SHANK1: variants seen among roughly 807,000 people sequenced by gnomAD.
The protein encoded by SHANK1 is SH3 and multiple ankyrin repeat domains protein 1.
SHANK1 carries 35 observed loss-of-function variants against 165.6 expected under a neutral mutation model. The observed-to-expected ratio is 0.21, with a 90% CI of 0.16 to 0.28. The LOEUF is 0.28. SHANK1 is among the 10% of genes least tolerant of loss of function. The pLI is 1.00. For synonymous variants in SHANK1, 1,428 were observed against 1,384.8 expected (o/e 1.03, Z -0.69); for missense variants, 2,681 against 3,036.4 (o/e 0.88, Z 2.75).
At chr19:50,663,091 A>C in intron 23 of SHANK1, 1 of 213,596 alleles carries the variant, frequency 4.7e-6, no homozygotes, top group Non-Finnish European at 9.4e-6. Flanking sequence ...AGGTTAAATA[A>C]CTTGCCTAAG....
At position 50,711,360 on chromosome 19, in the gene SHANK1, G is replaced by A; in HGVS notation, c.1077+11C>T. 6.5e-7 allele frequency: 1 copy of A among 1,548,730 alleles called. No individual in the cohort carries two copies. The highest frequency in any genetic ancestry group is 8.7e-7 in the Non-Finnish European group (1 of 1,144,068). On this transcript the variant is annotated intron_variant, in intron 8 of 23. Transcript: ENST00000293441. ...ATGTGAGGGGCCTGGGGTGGCCGCT[G>A]CTAGGCAGACCTTGTTGTAGAGGGC...
At chr19:50,691,654 G>GTA (rs1384133500) in intron 15 of SHANK1, among the ~76,000 whole-genome samples, 2 of 152,172 alleles carry the variant, frequency 1.3e-5, no homozygotes, top group Admixed American at 1.3e-4. Context: ...GCAGGGATAA[G>GTA]TACCAGTTCT....
intron 22 of SHANK1, 92 bp downstream of exon 22, chr19:50,671,926 G>T: frequency 2.1e-6 from 2 of 940,588 alleles, no homozygotes; most frequent in Non-Finnish European, 3.4e-6. Context: ...CTCTCTGGGA[G>T]CACAGAACAT....
At chr19:50,711,179 C>CGGA (rs1334567763) in intron 8 of SHANK1, 192 bp downstream of exon 8, 3 of 448,726 alleles carry the variant, frequency 6.7e-6, no homozygotes, top group East Asian at 3.9e-5. Context: ...CAGTAAATAT[C>CGGA]TGTTGGATGG....
chr19:50,719,473 C>T lies in SHANK1; in HGVS notation c.-111G>A, dbSNP rs2089110577. ...GCCCCTCCCCCCTCCCCCCACCCCC[C>T]ACCCCCCCGGAGACGGGGACCCTCA... On this transcript the variant is annotated 5_prime_UTR_variant, in exon 1 of 24. Coordinates refer to ENST00000293441, the MANE Select transcript of SHANK1 (RefSeq NM_016148.5). 1 of 8,974 alleles carries T rather than the reference C, an allele frequency of 1.1e-4. No individual in the cohort carries two copies. Among genetic ancestry groups the T allele is most frequent in the Non-Finnish European group, 2.4e-4 (1 of 4,186 alleles). 0.6% of individuals were successfully genotyped at this position (8,974 alleles called of 1,614,324 possible).
rs185008513 is a variant in SHANK1 at position 50,706,476 on chromosome 19, C to T, written c.1078-1962G>A. Among the ~76,000 whole-genome samples, 359 of 152,184 alleles carry T rather than the reference C, an allele frequency of 2.4e-3. 2 individuals are homozygous for T. Among genetic ancestry groups the T allele is most frequent in the Middle Eastern group, 6.8e-3 (2 of 294 alleles). On this transcript the variant is annotated intron_variant, in intron 8 of 23. Coordinates refer to ENST00000293441, the MANE Select transcript of SHANK1 (RefSeq NM_016148.5). ...GGGTTAGCTGAGCTAACCTGAGCTGCCTGCCCTGCCACTCCCCACCCTGAC... is the reference window on the plus strand; with the variant it reads ...GGGTTAGCTGAGCTAACCTGAGCTGTCTGCCCTGCCACTCCCCACCCTGAC...
chr19:50,703,773 C>A lies in SHANK1; in HGVS notation c.1280G>T (p.Gly427Val). 7.0e-7 allele frequency: 1 copy of A among 1,431,482 alleles called. No homozygotes were observed. Among genetic ancestry groups the A allele is most frequent in the East Asian group, 2.5e-5 (1 of 39,272 alleles). 88.7% of individuals were successfully genotyped at this position (1,431,482 alleles called of 1,614,324 possible). A position where few individuals can be genotyped will look rare whatever the true frequency, so the allele number is the denominator to read the frequency against. ...CAGCAGCGCCGGGGGCACCGTCAGC[C>A]CTGTGCCTGGGGGCCCCCGTCGCCG... is the stretch of plus-strand genomic sequence containing the variant. ...AARRRGPPGTGLTVPPALLRA... is the reference protein window; with the variant it reads ...AARRRGPPGTVLTVPPALLRA... Residue 427 changes from glycine to valine, a missense_variant, in exon 11 of 24, where the codon GGG (glycine) becomes GTG (valine). Gly to Val is a moderately radical substitution (Grantham distance 109). Coordinates refer to ENST00000293441, the MANE Select transcript of SHANK1 (RefSeq NM_016148.5).
chr19:50,668,361 G>GGGC lies in SHANK1; in HGVS notation c.3596_3598dup (p.Ser1199_Pro1200insArg). ...GGGCACGGGTGACATGGCCGGGGCG[G>GGGC]GGCTGGGCGAGGAGCCGCCGCCGCC... On this transcript the variant is annotated inframe_insertion, in exon 23 of 24. Transcript: ENST00000293441. 1.6e-6 allele frequency: 2 copies of GGGC among 1,264,058 alleles called. No homozygotes were observed. Among genetic ancestry groups the GGGC allele is most frequent in the Non-Finnish European group, 2.0e-6 (2 of 1,005,290 alleles). The allele number at this position is 1,264,058 out of a possible 1,614,324, so 78.3% of individuals were successfully genotyped here. A position where few individuals can be genotyped will look rare whatever the true frequency, so the allele number is the denominator to read the frequency against.
Position 50,667,485 on chromosome 19 carries a change from A to G in SHANK1, c.4475T>C (p.Val1492Ala). The change falls in exon 23 of 24, where the codon GTG becomes GCG. Residue 1492 changes from valine to alanine, a missense_variant. By Grantham distance (64) the Val-to-Ala change is moderately conservative (BLOSUM62 0). Around this residue, in one of 10 missense-constraint regions of SHANK1, gnomAD observed 1,713 missense variants for 1,630.2 expected, o/e 1.05. Transcript: ENST00000293441. This position sits in a 1 kb window ranked among gnomAD's most constrained non-coding sequence, Gnocchi z 5.7. Reference protein sequence around the residue: ...PEEPERLPLHVRFLENCQPRA... With the variant: ...PEEPERLPLHARFLENCQPRA... ...GGGCTGGCAGTTTTCAAGGAACCGC[A>G]CGTGCAGCGGCAGCCGCTCGGGTTC... The G allele has an allele frequency of 6.5e-7, 1 of 1,531,978 alleles. No individual in the cohort carries two copies. The highest frequency in any genetic ancestry group is 2.4e-5 in the East Asian group (1 of 42,140). The allele number at this position is 1,531,978 out of a possible 1,614,324, so 94.9% of individuals were successfully genotyped here.
rs1054309993 is a variant in SHANK1 at position 50,686,239 on chromosome 19, C to G, written c.2575G>C (p.Glu859Gln). Residue 859 changes from glutamate (E) to glutamine (Q), a missense_variant and splice_region_variant, in exon 21 of 24, where the codon GAG becomes CAG. Glu to Gln is a conservative substitution (Grantham distance 29, BLOSUM62 2). Transcript: ENST00000293441. This position sits in a 1 kb window ranked among gnomAD's most constrained non-coding sequence, Gnocchi z 5.7. ...KHRPKGFFAT[E>Q]SSFDPHHRAQ... is the part of the protein sequence containing the mutation. ...CCTCCCCACACCAGGCCGCCTACCTCAGTGGCAAAGAAACCTTTGGGTCGG... is the reference window on the plus strand; with the variant it reads ...CCTCCCCACACCAGGCCGCCTACCTGAGTGGCAAAGAAACCTTTGGGTCGG... The G allele has an allele frequency of 6.3e-7, 1 of 1,591,132 alleles. No individual in the cohort carries two copies. The highest frequency in any genetic ancestry group is 8.6e-7 in the Non-Finnish European group (1 of 1,166,490).
intron 4 of SHANK1, among the ~76,000 whole-genome samples, chr19:50,714,858 TAA>T (rs1458469705): frequency 6.6e-6 from 1 of 152,152 alleles, no homozygotes; most frequent in Non-Finnish European, 1.5e-5. Flanking sequence ...TTTTTGGTAC[TAA>T]GTCTTTGAAA....
At chr19:50,705,871 G>C (rs1264990774) in intron 8 of SHANK1, among the ~76,000 whole-genome samples, 1 of 152,096 alleles carries the variant, frequency 6.6e-6, no homozygotes, top group Non-Finnish European at 1.5e-5. Flanking sequence ...AAGAGCCCAA[G>C]GTGGGCCAGG....
In SHANK1 at chr19:50,666,293, G is replaced by A. The variant is rs201606756; in HGVS notation, c.5667C>T (p.Gly1889=). ...QQFGGSSAAG[G]ALPWARGGSG... ...TGCCTCCTCGGGCCCAGGGCAGAGC[G>A]CCGCCAGCTGCCGAGGAGCCCCCAA... Residue 1889 remains glycine, a synonymous_variant, in exon 23 of 24, where the codon GGC becomes GGT. Coordinates refer to ENST00000293441, the MANE Select transcript of SHANK1 (RefSeq NM_016148.5). 7.9e-5 allele frequency: 128 copies of A among 1,612,036 alleles called. No individual in the cohort carries two copies. The East Asian group carries it at 2.5e-3, about 32-fold the overall frequency.
chr19:50,683,732 C>A (rs1986246722), intron 21 of SHANK1, among the ~76,000 whole-genome samples: 1 of 152,100 alleles, frequency 6.6e-6, no homozygotes, highest in African/African-American at 2.4e-5. Flanking sequence ...GTCTGGGAAC[C>A]CACACATAGG....
rs748464937 is a variant in SHANK1 at position 50,662,677 on chromosome 19, G to A, written c.5774C>T (p.Ser1925Phe). 1.3e-6 allele frequency: 2 copies of A among 1,560,688 alleles called. No individual in the cohort carries two copies. The highest frequency in any genetic ancestry group is 2.7e-5 in the African/African-American group (2 of 73,290). ...RTSSLQRQRLSDDSQSSLLSK... is the reference protein window; with the variant it reads ...RTSSLQRQRLFDDSQSSLLSK... ...GAGGAGTGAGGACTGGGAGTCGTCG[G>A]AGAGTCTGGAATGTGACAAGGGGGC... The change falls in exon 24 of 24, where the codon TCC becomes TTC. Residue 1925 changes from serine (S) to phenylalanine (F), a missense_variant. By Grantham distance (155) the Ser-to-Phe change is radical. Coordinates refer to ENST00000293441, the MANE Select transcript of SHANK1 (RefSeq NM_016148.5). This position sits in a 1 kb window ranked among gnomAD's most constrained non-coding sequence, Gnocchi z 7.7.
intron 15 of SHANK1, among the ~76,000 whole-genome samples, chr19:50,694,282 C>G (rs904056058): frequency 6.6e-6 from 1 of 151,206 alleles, no homozygotes; most frequent in Non-Finnish European, 1.5e-5. Flanking sequence ...CACAGTGACA[C>G]GCAGCGGAAA....
At chr19:50,706,649 A>G (rs1421395971) in intron 8 of SHANK1, among the ~76,000 whole-genome samples, 12 of 151,880 alleles carry the variant, frequency 7.9e-5, no homozygotes, top group Non-Finnish European at 1.5e-5. Flanking sequence ...AGATCTCAGC[A>G]TAGCTTGCTT....
At position 50,718,857 on chromosome 19, in the gene SHANK1, G is replaced by C. The variant is rs2089099475; in HGVS notation, c.-44+549C>G. On this transcript the variant is annotated intron_variant, in intron 1 of 23. Transcript: ENST00000293441. This position sits in a 1 kb window ranked among gnomAD's most constrained non-coding sequence, Gnocchi z 5.1. ...AGGAGTCGGGGGCGGGAGCCGAGGG[G>C]GCGCGCCGGCCGGCGGTGTAGGGAC... 6.6e-6 allele frequency among the ~76,000 whole-genome samples: 1 copy of C among 151,096 alleles called. No homozygotes were observed. The highest frequency in any genetic ancestry group is 2.4e-5 in the African/African-American group (1 of 41,022).
At chr19:50,719,213 G>C (rs2089105500) in intron 1 of SHANK1, among the ~76,000 whole-genome samples, 193 bp downstream of exon 1, 1 of 151,776 alleles carries the variant, frequency 6.6e-6, no homozygotes, top group African/African-American at 2.4e-5. Context: ...GATCTGGGAC[G>C]GGGCACCGGG....
Sources: allele counts gnomAD v4.1 joint callset (sites outside exome capture counted in the v4.1 genomes callset), GRCh38; gene constraint gnomAD v4.1.1; regional missense constraint gnomAD v4.1.1; non-coding constraint Gnocchi (gnomAD v3.1); transcripts MANE v1.5; gene names NCBI Gene and HGNC (gene_info 2026-07-23, HGNC 2026-07-21).